The following DHX34 variants were observed in gnomAD, a reference collection of about 807,000 sequenced individuals.
DHX34 encodes DExH-box helicase 34.
Under a neutral mutation model 111.1 loss-of-function variants are expected in DHX34, and 96 were observed. The ratio of observed to expected loss-of-function variants is 0.86; its 90% confidence interval spans 0.73 to 1.02. The LOEUF (loss-of-function observed/expected upper bound fraction) is 1.02, where lower values mean the gene tolerates loss of function less well. Ranked by LOEUF, DHX34 falls within the 50% of genes least tolerant of loss-of-function variation. The probability of loss-of-function intolerance (pLI) is 0.00; values close to 1 mark genes in which losing one functional copy is unlikely to be tolerated. For synonymous variants in DHX34, 688 were observed against 670.4 expected (o/e 1.03, Z -0.41); for missense variants, 1,560 against 1,579.9 (o/e 0.99, Z 0.21).
intron 7 of DHX34, among the ~76,000 whole-genome samples, chr19:47,371,820 G>A (rs886537389): frequency 1.3e-5 from 2 of 151,884 alleles, no homozygotes; most frequent in Non-Finnish European, 1.5e-5. Flanking sequence ...GGCTGGTCTC[G>A]AACTCCTGAC....
At chr19:47,378,687 T>A (rs1329452824) in intron 13 of DHX34, among the ~76,000 whole-genome samples, 1 of 152,050 alleles carries the variant, frequency 6.6e-6, no homozygotes, top group East Asian at 1.9e-4. Context: ...TTTTAAAAAG[T>A]TAGCTGGGCG....
intron 4 of DHX34, 29 bp downstream of exon 4, chr19:47,358,149 CG>C (rs760433298): frequency 5.0e-6 from 8 of 1,592,768 alleles, no homozygotes; most frequent in Non-Finnish European, 2.6e-6. Context: ...GTGGGGCAGG[CG>C]GGGGGTCTGC....
intron 7 of DHX34, among the ~76,000 whole-genome samples, chr19:47,371,836 G>T (rs1195368938): frequency 6.6e-6 from 1 of 151,990 alleles, no homozygotes; most frequent in Non-Finnish European, 1.5e-5. Context: ...CTGACCTCAG[G>T]TGATCTGCTT....
At chr19:47,373,541 CCCCT>C in intron 8 of DHX34, 54 bp from the exon 9 acceptor site, 1 of 1,574,980 alleles carries the variant, frequency 6.3e-7, no homozygotes, top group Admixed American at 1.8e-5. Flanking sequence ...GCTCGGTCAG[CCCCT>C]CCCTCCCCGC....
chr19:47,350,739 T>A (rs934227189), intron 1 of DHX34, among the ~76,000 whole-genome samples: 9 of 151,978 alleles, frequency 5.9e-5, no homozygotes, highest in Non-Finnish European at 1.3e-4. Flanking sequence ...ATTTTTTTTT[T>A]AATGAGAAAG....
At chr19:47,364,265 A>G (rs1969723549) in intron 6 of DHX34, among the ~76,000 whole-genome samples, 1 of 152,104 alleles carries the variant, frequency 6.6e-6, no homozygotes, top group Non-Finnish European at 1.5e-5. Context: ...GCCACGCCCA[A>G]CCGTGAAGGA....
chr19:47,376,196 T>C, intron 11 of DHX34, 99 bp downstream of exon 11: 3 of 1,484,658 alleles, frequency 2.0e-6, no homozygotes, highest in South Asian at 1.4e-5. Flanking sequence ...GAAACAACCC[T>C]GGTTCTGTCC....
chr19:47,377,791 G>C (rs1970217585), intron 13 of DHX34, among the ~76,000 whole-genome samples: 1 of 151,946 alleles, frequency 6.6e-6, no homozygotes, highest in African/African-American at 2.4e-5. Context: ...AGCCAGGAGG[G>C]CTGGCAGCTG....
In DHX34 at chr19:47,356,671, G is replaced by A. The variant is rs902831885; in HGVS notation, c.1018-1195G>A. On this transcript the variant is annotated intron_variant, in intron 3 of 16. Coordinates refer to ENST00000328771, the MANE Select transcript of DHX34 (RefSeq NM_014681.6). ...GAAAAGAAAGAGAGAGAGAGAGTGC[G>A]AGCCGAGTGTGGTGGCTCATGCCTA... Among the ~76,000 whole-genome samples the A allele has an allele frequency of 4.6e-5, 7 of 151,560 alleles. No individual in the cohort carries two copies. The East Asian group carries it at 9.7e-4, about 21-fold the overall frequency.
chr19:47,364,267 C>T (rs1367283771), intron 6 of DHX34, among the ~76,000 whole-genome samples: 5 of 152,094 alleles, frequency 3.3e-5, no homozygotes, highest in Non-Finnish European at 7.3e-5. Flanking sequence ...CACGCCCAAC[C>T]GTGAAGGAGG....
chr19:47,376,734 C>T, intron 12 of DHX34, 174 bp downstream of exon 12: 1 of 1,425,910 alleles, frequency 7.0e-7, no homozygotes, highest in Non-Finnish European at 9.3e-7. Context: ...TTGGGTGACT[C>T]ACCCCTGCTG....
At chr19:47,361,162 T>C (rs556844374) in intron 5 of DHX34, among the ~76,000 whole-genome samples, 6 of 151,996 alleles carry the variant, frequency 3.9e-5, no homozygotes, top group African/African-American at 1.4e-4. Flanking sequence ...AAAATGACAA[T>C]GGCAGGCCGT....
chr19:47,381,777 CTG>C, intron 16 of DHX34: 1 of 857,284 alleles, frequency 1.2e-6, no homozygotes, highest in Non-Finnish European at 1.4e-6. Flanking sequence ...GTCTTTCTCT[CTG>C]TCTCTCTCAC....
At chr19:47,373,465 T>G in intron 8 of DHX34, 134 bp from the exon 9 acceptor site, 1 of 1,452,164 alleles carries the variant, frequency 6.9e-7, no homozygotes, top group Non-Finnish European at 9.1e-7. Context: ...GAGGGGGCAC[T>G]GGGGCTGAGA....
intron 3 of DHX34, 54 bp downstream of exon 3, chr19:47,355,404 C>G (rs1050952757): frequency 3.9e-5 from 62 of 1,578,560 alleles, no homozygotes; most frequent in Non-Finnish European, 5.1e-5. Flanking sequence ...GGTCTCTGTC[C>G]AAACCTGGAC....
At chr19:47,377,302 C>T (rs1276060392) in intron 13 of DHX34, 96 bp downstream of exon 13, 33 of 1,309,232 alleles carry the variant, frequency 2.5e-5, no homozygotes, top group Non-Finnish European at 3.3e-5. Context: ...GGAGGGGCCA[C>T]CTGGCACCTG....
At chr19:47,356,627 CAA>C (rs529660294) in intron 3 of DHX34, among the ~76,000 whole-genome samples, 17 of 94,408 alleles carry the variant, frequency 1.8e-4, no homozygotes, top group Non-Finnish European at 2.0e-4. Flanking sequence ...GATCCCATCT[CAA>C]AAAAAAAAAA....
intron 8 of DHX34, among the ~76,000 whole-genome samples, 198 bp downstream of exon 8, chr19:47,373,121 C>T (rs755021577): frequency 5.9e-5 from 9 of 152,200 alleles, no homozygotes; most frequent in South Asian, 2.1e-4. Flanking sequence ...TGCCCAGGCC[C>T]GGGGCTGAGA....
intron 16 of DHX34, 121 bp from the exon 17 acceptor site, chr19:47,381,859 A>C (rs1395182306): frequency 1.3e-6 from 2 of 1,517,332 alleles, no homozygotes; most frequent in African/African-American, 1.4e-5. Context: ...TGGAGGAGGC[A>C]AAACTGGGTT....
Sources: gnomAD v4.1 joint callset for allele counts (sites outside exome capture counted in the v4.1 genomes callset) on GRCh38, gnomAD v4.1.1 for gene constraint, MANE v1.5 for transcripts, NCBI Gene and HGNC (gene_info 2026-07-23, HGNC 2026-07-21) for gene names.